BCAS1: variants seen among roughly 807,000 people sequenced by gnomAD.
The protein encoded by BCAS1 is breast carcinoma-amplified sequence 1.
A neutral mutation model predicts 65.4 loss-of-function variants in BCAS1; 46 were observed. That is an observed-to-expected ratio of 0.70 (90% CI 0.55 to 0.90). BCAS1 has a LOEUF of 0.90. Ranked by LOEUF, BCAS1 falls within the 40% of genes least tolerant of loss-of-function variation. BCAS1 has a pLI of 0.00. For missense variants in BCAS1, 793 were observed against 771.2 expected, an observed-to-expected ratio of 1.03 and a Z score of -0.33; for synonymous variants, 298 against 293.5, an observed-to-expected ratio of 1.02 and a Z score of -0.16.
intron 4 of BCAS1, among the ~76,000 whole-genome samples, chr20:54,017,142 A>C (rs1178489401): frequency 6.6e-6 from 1 of 152,180 alleles, no homozygotes; most frequent in African/African-American, 2.4e-5. Context: ...CTAAGAAAGC[A>C]ACGCACACTT....
At chr20:54,012,838 G>T (rs1352840296) in intron 4 of BCAS1, among the ~76,000 whole-genome samples, 1 of 152,096 alleles carries the variant, frequency 6.6e-6, no homozygotes, top group Non-Finnish European at 1.5e-5. Context: ...CTTGCCTAAG[G>T]TCATAAAGTA....
At position 53,944,238 on chromosome 20, in the gene BCAS1, AG is replaced by A. The variant is rs1423009158; in HGVS notation, c.*683del. 6.6e-6 allele frequency: 1 copy of A among 152,206 alleles called. No individual in the cohort carries two copies. The highest frequency in any genetic ancestry group is 2.4e-5 in the African/African-American group (1 of 41,426). The allele number at this position is 152,206 out of a possible 1,614,324, so 9.4% of individuals were successfully genotyped here. On this transcript the variant is annotated 3_prime_UTR_variant, in exon 13 of 13. Coordinates refer to ENST00000688948, the MANE Select transcript of BCAS1 (RefSeq NM_001366298.2). ...ATTTTCGTCTCCCTTCTTCAAGCTT[AG>A]AGGATAAGCACGCATTTACTACAAC...
At chr20:53,948,758 A>G (rs1446602278) in intron 12 of BCAS1, among the ~76,000 whole-genome samples, 3 of 152,128 alleles carry the variant, frequency 2.0e-5, no homozygotes, top group African/African-American at 7.2e-5. Context: ...TATTCACCCT[A>G]TTTTACAGAT....
At chr20:53,988,510 T>G (rs1186236959) in intron 7 of BCAS1, among the ~76,000 whole-genome samples, 2 of 152,250 alleles carry the variant, frequency 1.3e-5, no homozygotes, top group Non-Finnish European at 2.9e-5. Context: ...TTATTTTTTG[T>G]ATTTTAAAAT....
chr20:54,064,841 T>C (rs1250841781), intron 1 of BCAS1, among the ~76,000 whole-genome samples: 1 of 152,212 alleles, frequency 6.6e-6, no homozygotes, highest in African/African-American at 2.4e-5. Flanking sequence ...GCTGAGCAGT[T>C]CTGATTTGCA....
chr20:54,028,250 C>A, intron 4 of BCAS1, 142 bp downstream of exon 4: 1 of 766,056 alleles, frequency 1.3e-6, no homozygotes, highest in South Asian at 1.6e-5. Context: ...CACTCTGCTG[C>A]AATGTGCTAT....
intron 1 of BCAS1, among the ~76,000 whole-genome samples, chr20:54,065,499 G>T (rs1162944761): frequency 6.6e-6 from 1 of 152,184 alleles, no homozygotes; most frequent in African/African-American, 2.4e-5. Context: ...GGTGGGTAGA[G>T]GCTGGGGACG....
chr20:54,017,141 C>A (rs2091455716), intron 4 of BCAS1, among the ~76,000 whole-genome samples: 1 of 152,172 alleles, frequency 6.6e-6, no homozygotes, highest in Admixed American at 6.5e-5. Flanking sequence ...TCTAAGAAAG[C>A]AACGCACACT....
chr20:54,062,119 A>T (rs2146351617), intron 1 of BCAS1, among the ~76,000 whole-genome samples: 1 of 152,316 alleles, frequency 6.6e-6, no homozygotes, highest in Admixed American at 6.5e-5. Context: ...GGCAGAACTG[A>T]GTAGTTGCAA....
chr20:54,033,723 A>G (rs1265585567), intron 3 of BCAS1, among the ~76,000 whole-genome samples: 2 of 151,310 alleles, frequency 1.3e-5, no homozygotes, highest in African/African-American at 4.8e-5. Context: ...CCAGTTGTAC[A>G]AAGAAGAGCT....
intron 3 of BCAS1, among the ~76,000 whole-genome samples, chr20:54,044,567 G>C (rs558347198): frequency 6.6e-6 from 1 of 152,288 alleles, no homozygotes; most frequent in East Asian, 1.9e-4. Context: ...GCCGGGCGCG[G>C]TGGCTCATGC....
chr20:53,989,998 C>T (rs2090713506), intron 7 of BCAS1, among the ~76,000 whole-genome samples: 1 of 152,162 alleles, frequency 6.6e-6, no homozygotes, highest in Non-Finnish European at 1.5e-5. Context: ...CCATGAAATT[C>T]TAGTGGATTC....
chr20:53,994,888 T>TACACACAC (rs11471603), intron 6 of BCAS1, 124 bp downstream of exon 6: 7,004 of 556,352 alleles, frequency 0.013, 116 homozygotes, highest in East Asian at 0.11. Context: ...ATAGATATGA[T>TACACACAC]ACACACACAC....
chr20:53,993,651 C>T (rs2090822520), intron 6 of BCAS1, among the ~76,000 whole-genome samples: 1 of 152,158 alleles, frequency 6.6e-6, no homozygotes, highest in Non-Finnish European at 1.5e-5. Flanking sequence ...TTCCCATACT[C>T]CACTGTTTAG....
At chr20:54,015,277 C>G (rs2091411109) in intron 4 of BCAS1, among the ~76,000 whole-genome samples, 1 of 152,118 alleles carries the variant, frequency 6.6e-6, no homozygotes, top group Non-Finnish European at 1.5e-5. Flanking sequence ...GGTGATCCAC[C>G]CCCCTTGGCC....
intron 4 of BCAS1, among the ~76,000 whole-genome samples, chr20:54,005,782 G>A (rs1239398427): frequency 6.6e-6 from 1 of 152,170 alleles, no homozygotes; most frequent in African/African-American, 2.4e-5. Context: ...AAGTAGACTC[G>A]CAGAAACAGG....
chr20:54,033,158 G>A lies in BCAS1; in HGVS notation c.143-4186C>T, dbSNP rs2091836030. ...TGGGACACAGCTAAGGCAGTGTTAA[G>A]AGGGAAATTTATAGCACTAAATCCC... On this transcript the variant is annotated intron_variant, in intron 3 of 12. Transcript: ENST00000688948. Among the ~76,000 whole-genome samples the A allele has an allele frequency of 2.6e-5, 4 of 151,288 alleles. 1 individual carries two copies. The South Asian group carries it at 8.4e-4, about 32-fold the overall frequency.
At chr20:53,976,711 A>G (rs565943365) in intron 8 of BCAS1, among the ~76,000 whole-genome samples, 24 of 152,360 alleles carry the variant, frequency 1.6e-4, no homozygotes, top group South Asian at 2.1e-4. Context: ...GGTCAGAAAC[A>G]CATTTTTTCG....
Position 53,951,070 on chromosome 20 carries a change from C to A in BCAS1, c.1815+2362G>T, listed in dbSNP as rs552082398. Among the ~76,000 whole-genome samples the A allele has an allele frequency of 7.9e-5, 12 of 152,308 alleles. No homozygotes were observed. The South Asian group carries it at 2.5e-3, about 32-fold the overall frequency. On this transcript the variant is annotated intron_variant, in intron 12 of 12. Transcript: ENST00000688948. ...CATACCATCTTTCTTTTTCAGCCTTCGTACCTATTGTAGAGGCTGGCTTCT... is the reference window on the plus strand; with the variant it reads ...CATACCATCTTTCTTTTTCAGCCTTAGTACCTATTGTAGAGGCTGGCTTCT...
Sources: allele counts gnomAD v4.1 joint callset (sites outside exome capture counted in the v4.1 genomes callset), GRCh38; gene constraint gnomAD v4.1.1; transcripts MANE v1.5; gene names NCBI Gene and HGNC (gene_info 2026-07-23, HGNC 2026-07-21).